Variants in ADGRB3 observed in about 807,000 individuals in gnomAD.
ADGRB3 encodes the protein brain-specific angiogenesis inhibitor 3.
In ADGRB3, 37 loss-of-function variants were observed where a neutral mutation model predicts 193.4. The ratio of observed to expected loss-of-function variants is 0.19; its 90% confidence interval spans 0.15 to 0.25. ADGRB3 has a LOEUF of 0.25. Ranked by LOEUF, ADGRB3 falls within the 10% of genes least tolerant of loss-of-function variation. The pLI, the probability that ADGRB3 is intolerant of heterozygous loss-of-function variation, is 1.00. For missense variants in ADGRB3, 1,637 were observed against 1,852.9 expected, an observed-to-expected ratio of 0.88 and a Z score of 2.14; for synonymous variants, 690 against 644.2, an observed-to-expected ratio of 1.07 and a Z score of -1.08.
At chr6:69,183,633 A>G (rs1329885446) in intron 17 of ADGRB3, among the ~76,000 whole-genome samples, 1 of 152,072 alleles carries the variant, frequency 6.6e-6, no homozygotes, top group East Asian at 1.9e-4. Context: ...TTTTTTTTGA[A>G]TCTTCAGTGA....
intron 17 of ADGRB3, among the ~76,000 whole-genome samples, chr6:69,218,179 G>A (rs904976456): frequency 3.3e-5 from 5 of 151,648 alleles, no homozygotes; most frequent in African/African-American, 1.2e-4. Context: ...TTCCTCCAAA[G>A]TGGTCTATAA....
intron 3 of ADGRB3, among the ~76,000 whole-genome samples, chr6:68,837,017 C>T (rs1768058825): frequency 6.6e-6 from 1 of 152,088 alleles, no homozygotes; most frequent in Non-Finnish European, 1.5e-5. Context: ...TTAGCTTTTT[C>T]TTTCTCCAAT....
intron 8 of ADGRB3, among the ~76,000 whole-genome samples, chr6:68,972,929 G>C (rs774695409): frequency 6.6e-6 from 1 of 152,132 alleles, no homozygotes; most frequent in South Asian, 2.1e-4. Flanking sequence ...GACTGTGTGA[G>C]ACTAAGATGA....
intron 3 of ADGRB3, among the ~76,000 whole-genome samples, chr6:68,707,286 C>T (rs901524636): frequency 6.6e-5 from 10 of 152,010 alleles, no homozygotes; most frequent in Admixed American, 2.0e-4. Context: ...TAGTTTAAAT[C>T]ACATCTGCTT....
intron 17 of ADGRB3, among the ~76,000 whole-genome samples, chr6:69,156,017 ATTAAT>A (rs1408007374): frequency 2.6e-5 from 4 of 152,298 alleles, no homozygotes; most frequent in African/African-American, 7.2e-5. Flanking sequence ...TAGAAGACTC[ATTAAT>A]TTAGTTTTAC....
chr6:68,742,882 T>G (rs1018910523), intron 3 of ADGRB3, among the ~76,000 whole-genome samples: 14 of 152,032 alleles, frequency 9.2e-5, no homozygotes, highest in African/African-American at 3.1e-4. Flanking sequence ...ATATTTTTTA[T>G]AATTTTCTAT....
chr6:69,059,821 C>T (rs1771672090), intron 15 of ADGRB3, among the ~76,000 whole-genome samples: 1 of 152,050 alleles, frequency 6.6e-6, no homozygotes, highest in African/African-American at 2.4e-5. Flanking sequence ...GCATTTAATA[C>T]CATGATATTG....
At chr6:68,948,940 A>C (rs1767843571) in intron 6 of ADGRB3, among the ~76,000 whole-genome samples, 1 of 152,126 alleles carries the variant, frequency 6.6e-6, no homozygotes, top group African/African-American at 2.4e-5. Context: ...TAATTAAAAT[A>C]TTTACTTGGG....
chr6:68,866,277 C>T (rs976961917), intron 3 of ADGRB3, among the ~76,000 whole-genome samples: 26 of 152,110 alleles, frequency 1.7e-4, no homozygotes, highest in African/African-American at 6.0e-4. Context: ...AGTGAGTTCT[C>T]AATGAGATAT....
chr6:69,232,662 C>A (rs764721250), intron 17 of ADGRB3: 20 of 1,520,092 alleles, frequency 1.3e-5, no homozygotes, highest in East Asian at 2.5e-5. Flanking sequence ...GGATACCAGG[C>A]AAAGGCAATG....
At chr6:68,683,503 T>C (rs1764932482) in intron 3 of ADGRB3, among the ~76,000 whole-genome samples, 1 of 152,200 alleles carries the variant, frequency 6.6e-6, no homozygotes, top group Non-Finnish European at 1.5e-5. Flanking sequence ...GCAGTGATTG[T>C]TTTAGACAAT....
At chr6:68,851,192 C>T (rs1768392497) in intron 3 of ADGRB3, among the ~76,000 whole-genome samples, 1 of 151,902 alleles carries the variant, frequency 6.6e-6, no homozygotes, top group Admixed American at 6.6e-5. Context: ...TTCAAGGCTG[C>T]AGTTTGAGCT....
chr6:68,854,818 A>G (rs1237794695), intron 3 of ADGRB3, among the ~76,000 whole-genome samples: 1 of 152,158 alleles, frequency 6.6e-6, no homozygotes, highest in Non-Finnish European at 1.5e-5. Flanking sequence ...ACCTGATGCC[A>G]CAGTCTATCC....
At chr6:69,200,538 A>G (rs1765397692) in intron 17 of ADGRB3, among the ~76,000 whole-genome samples, 1 of 152,146 alleles carries the variant, frequency 6.6e-6, no homozygotes, top group Admixed American at 6.6e-5. Flanking sequence ...CTGGGACACC[A>G]ACTGGGCATT....
At chr6:68,893,993 A>T (rs541015521) in intron 3 of ADGRB3, among the ~76,000 whole-genome samples, 184 of 152,074 alleles carry the variant, frequency 1.2e-3, no homozygotes, top group African/African-American at 4.3e-3. Flanking sequence ...AACATGGTTT[A>T]TTTTTAGATG....
chr6:68,952,608 C>A (rs1481834094), intron 6 of ADGRB3, among the ~76,000 whole-genome samples: 1 of 151,938 alleles, frequency 6.6e-6, no homozygotes, highest in Non-Finnish European at 1.5e-5. Context: ...TGTAACAAAC[C>A]TGCACGTTGT....
chr6:68,934,614 A>G (rs923034129), intron 4 of ADGRB3, among the ~76,000 whole-genome samples: 1 of 152,130 alleles, frequency 6.6e-6, no homozygotes, highest in Non-Finnish European at 1.5e-5. Flanking sequence ...TTTATACCTC[A>G]CTTAATCTCA....
At chr6:69,040,341 CTTTCTT>C (rs994504494) in intron 13 of ADGRB3, among the ~76,000 whole-genome samples, 6 of 50,752 alleles carry the variant, frequency 1.2e-4, no homozygotes, top group Admixed American at 2.9e-4. Context: ...TTCTTTCTTT[CTTTCTT>C]TCTTTCTTTC....
At chr6:69,002,305 G>A (rs1158691668) in intron 11 of ADGRB3, among the ~76,000 whole-genome samples, 10 of 148,890 alleles carry the variant, frequency 6.7e-5, no homozygotes, top group African/African-American at 2.0e-4. Flanking sequence ...TGCAACCTCC[G>A]CCTCCCTGGT....
Sources: gnomAD v4.1 joint callset for allele counts (sites outside exome capture counted in the v4.1 genomes callset) on GRCh38, gnomAD v4.1.1 for gene constraint, MANE v1.5 for transcripts, NCBI Gene and HGNC (gene_info 2026-07-23, HGNC 2026-07-21) for gene names.